The following VPS13B variants were observed in gnomAD, a reference collection of about 807,000 sequenced individuals.
The protein encoded by VPS13B is intermembrane lipid transfer protein VPS13B.
Under a neutral mutation model 426.4 loss-of-function variants are expected in VPS13B, and 285 were observed. The observed-to-expected ratio is 0.67, with a 90% CI of 0.61 to 0.74. The LOEUF is 0.74. VPS13B is among the 30% of genes least tolerant of loss of function. The pLI is 0.00. For synonymous variants in VPS13B, 1,676 were observed against 1,676.4 expected, an observed-to-expected ratio of 1.00 and a Z score of 0.01; for missense variants, 4,537 against 4,782.6, an observed-to-expected ratio of 0.95 and a Z score of 1.51.
At chr8:99,781,204 T>C (rs555131445) in intron 42 of VPS13B, among the ~76,000 whole-genome samples, 1 of 152,318 alleles carries the variant, frequency 6.6e-6, no homozygotes, top group East Asian at 1.9e-4. Flanking sequence ...TTTTCCCTTT[T>C]ATAAATGATG....
intron 35 of VPS13B, among the ~76,000 whole-genome samples, chr8:99,692,728 A>C (rs1588628359): frequency 7.0e-6 from 1 of 142,806 alleles, no homozygotes; most frequent in African/African-American, 2.7e-5. Context: ...AAACAAAAAA[A>C]CCCTTCAAAA....
At chr8:99,184,635 G>A (rs1018325676) in intron 16 of VPS13B, among the ~76,000 whole-genome samples, 8 of 151,676 alleles carry the variant, frequency 5.3e-5, no homozygotes, top group Non-Finnish European at 8.8e-5. Context: ...TTTATATCTC[G>A]ACAAACAGGA....
Position 99,511,316 on chromosome 8 carries a change from T to G in VPS13B, c.4437T>G (p.Tyr1479Ter). The G allele has an allele frequency of 6.2e-7, 1 of 1,613,840 alleles. No individual in the cohort carries two copies. Among genetic ancestry groups the G allele is most frequent in the Non-Finnish European group, 8.5e-7 (1 of 1,179,952 alleles). ...CACAAGCTTTTGATATTGTTCTTTATTTTCCTTTACTTAATGCCATTGCAA... is the reference window on the plus strand; with the variant it reads ...CACAAGCTTTTGATATTGTTCTTTAGTTTCCTTTACTTAATGCCATTGCAA... ...LSAQAFDIVL[Y>*]FPLLNAIASI... Residue 1479 changes from tyrosine to a stop codon, truncating the protein, a stop_gained, in exon 29 of 62, where the codon TAT becomes TAG. Coordinates refer to ENST00000357162, the MANE Select transcript of VPS13B (RefSeq NM_152564.5). LOFTEE classifies it high-confidence loss of function.
chr8:99,357,022 G>A (rs1812218292), intron 19 of VPS13B, among the ~76,000 whole-genome samples: 1 of 151,754 alleles, frequency 6.6e-6, no homozygotes, highest in African/African-American at 2.4e-5. Context: ...TCACCTCTAG[G>A]CTTTGAAAAC....
At chr8:99,521,890 A>G (rs1202861368) in intron 30 of VPS13B, among the ~76,000 whole-genome samples, 1 of 152,118 alleles carries the variant, frequency 6.6e-6, no homozygotes, top group Non-Finnish European at 1.5e-5. Flanking sequence ...TATTTCTCTG[A>G]TATTTGAGTT....
intron 60 of VPS13B, chr8:99,871,231 C>A (rs369128659): frequency 1.2e-5 from 9 of 730,994 alleles, no homozygotes; most frequent in African/African-American, 8.8e-5. Flanking sequence ...AGCTAATAAG[C>A]AAAACCAAGG....
At chr8:99,080,955 C>T (rs987506588) in intron 3 of VPS13B, among the ~76,000 whole-genome samples, 1 of 152,120 alleles carries the variant, frequency 6.6e-6, no homozygotes, top group Non-Finnish European at 1.5e-5. Flanking sequence ...GTCTAGAATC[C>T]AGTTTTACCT....
chr8:99,330,670 TG>T (rs1191898088), intron 19 of VPS13B, among the ~76,000 whole-genome samples: 1 of 151,846 alleles, frequency 6.6e-6, no homozygotes, highest in African/African-American at 2.4e-5. Flanking sequence ...AATGGAGTGC[TG>T]GGTTGAAAAG....
intron 20 of VPS13B, among the ~76,000 whole-genome samples, chr8:99,390,041 A>C (rs1814338480): frequency 6.6e-6 from 1 of 152,188 alleles, no homozygotes; most frequent in Non-Finnish European, 1.5e-5. Flanking sequence ...CCAAATATAA[A>C]AGCAGGCACT....
chr8:99,752,908 A>T (rs1588683862), intron 39 of VPS13B, among the ~76,000 whole-genome samples: 1 of 152,196 alleles, frequency 6.6e-6, no homozygotes, highest in African/African-American at 2.4e-5. Context: ...TTGTCAGTTT[A>T]TATTTTTGAA....
intron 30 of VPS13B, 22 bp from the exon 31 acceptor site, chr8:99,556,428 G>GT (rs1025178725): frequency 6.8e-6 from 11 of 1,608,554 alleles, no homozygotes; most frequent in African/African-American, 1.3e-5. Context: ...TTTTATTTTT[G>GT]TTTTTTTCGC....
intron 34 of VPS13B, among the ~76,000 whole-genome samples, chr8:99,658,780 C>T (rs1301373932): frequency 1.3e-5 from 2 of 151,948 alleles, no homozygotes; most frequent in Non-Finnish European, 2.9e-5. Context: ...CAGGCATTAT[C>T]GGGTGTTGTT....
chr8:99,353,782 T>A (rs1296222909), intron 19 of VPS13B, among the ~76,000 whole-genome samples: 1 of 152,128 alleles, frequency 6.6e-6, no homozygotes, highest in African/African-American at 2.4e-5. Flanking sequence ...TCCAAAGAAG[T>A]CTTAGATTTC....
chr8:99,545,266 T>C (rs1319790680), intron 30 of VPS13B, among the ~76,000 whole-genome samples: 1 of 152,122 alleles, frequency 6.6e-6, no homozygotes, highest in African/African-American at 2.4e-5. Context: ...ACTTGTAGTG[T>C]TAAAATGAAT....
At chr8:99,180,093 G>A (rs2132691586) in intron 16 of VPS13B, among the ~76,000 whole-genome samples, 1 of 152,076 alleles carries the variant, frequency 6.6e-6, no homozygotes, top group African/African-American at 2.4e-5. Flanking sequence ...TTCCTGAGCA[G>A]TTACATTCTT....
intron 2 of VPS13B, among the ~76,000 whole-genome samples, chr8:99,032,897 A>G (rs1842586704): frequency 6.6e-6 from 1 of 152,064 alleles, no homozygotes; most frequent in African/African-American, 2.4e-5. Flanking sequence ...ATTTACTGCA[A>G]ACTAGTTGAG....
At chr8:99,353,414 T>C (rs73287839) in intron 19 of VPS13B, among the ~76,000 whole-genome samples, 2,540 of 152,324 alleles carry the variant, frequency 0.017, 64 homozygotes, top group African/African-American at 0.058. Flanking sequence ...TTTAACCATG[T>C]AGAGTTAGAA....
chr8:99,459,828 A>G (rs1818732659), intron 23 of VPS13B, among the ~76,000 whole-genome samples: 1 of 152,134 alleles, frequency 6.6e-6, no homozygotes, highest in Non-Finnish European at 1.5e-5. Context: ...AGGTTTTACT[A>G]AAAAGTTGAC....
chr8:99,343,593 G>A (rs926212360), intron 19 of VPS13B, among the ~76,000 whole-genome samples: 3 of 152,086 alleles, frequency 2.0e-5, no homozygotes, highest in Admixed American at 1.3e-4. Flanking sequence ...TGTGCTTTAA[G>A]TTGCAGAATA....
Sources: gnomAD v4.1 joint callset for allele counts (sites outside exome capture counted in the v4.1 genomes callset) on GRCh38, gnomAD v4.1.1 for gene constraint, MANE v1.5 for transcripts, NCBI Gene and HGNC (gene_info 2026-07-23, HGNC 2026-07-21) for gene names.